AGBL4: variants seen among roughly 807,000 people sequenced by gnomAD.
AGBL4 encodes the protein AGBL carboxypeptidase 4.
AGBL4 carries 58 observed loss-of-function variants against 66.4 expected under a neutral mutation model. That is an observed-to-expected ratio of 0.87 (90% confidence interval 0.71 to 1.09). The LOEUF (loss-of-function observed/expected upper bound fraction) is 1.09. AGBL4 is among the 50% of genes least tolerant of loss of function. AGBL4 has a pLI of 0.00. For missense variants in AGBL4, 579 were observed against 631.0 expected (o/e 0.92, Z 0.88); for synonymous variants, 234 against 222.9 (o/e 1.05, Z -0.44).
chr1:49,488,700 A>G (rs1647122289), intron 3 of AGBL4, among the ~76,000 whole-genome samples: 1 of 151,424 alleles, frequency 6.6e-6, no homozygotes, highest in Non-Finnish European at 1.5e-5. Flanking sequence ...CCCTCCCACT[A>G]TCCTTCTTTT....
chr1:48,997,731 T>C (rs1372343611), intron 5 of AGBL4, among the ~76,000 whole-genome samples: 1 of 152,186 alleles, frequency 6.6e-6, no homozygotes, highest in Non-Finnish European at 1.5e-5. Context: ...GAGGATGAAA[T>C]GCCTACTTCA....
At chr1:49,949,293 A>T (rs1655855580) in intron 1 of AGBL4, among the ~76,000 whole-genome samples, 1 of 151,966 alleles carries the variant, frequency 6.6e-6, no homozygotes, top group East Asian at 1.9e-4. Flanking sequence ...ACACCCTTCT[A>T]GACATTGGCT....
At chr1:48,674,823 C>T (rs1298246501) in intron 6 of AGBL4, among the ~76,000 whole-genome samples, 1 of 152,110 alleles carries the variant, frequency 6.6e-6, no homozygotes, top group Non-Finnish European at 1.5e-5. Context: ...CCCAGTCACT[C>T]CCTCCCCCAG....
At chr1:49,973,695 T>C (rs1472089056) in intron 1 of AGBL4, among the ~76,000 whole-genome samples, 1 of 148,598 alleles carries the variant, frequency 6.7e-6, no homozygotes, top group Non-Finnish European at 1.5e-5. Context: ...AGAAATGATA[T>C]TGTTATATAT....
At chr1:49,789,386 G>A (rs1460016261) in intron 2 of AGBL4, among the ~76,000 whole-genome samples, 1 of 152,162 alleles carries the variant, frequency 6.6e-6, no homozygotes, top group Non-Finnish European at 1.5e-5. Flanking sequence ...AAGAGAGGAA[G>A]TCAAATTGTC....
chr1:49,244,050 G>C (rs576319535), intron 4 of AGBL4, among the ~76,000 whole-genome samples: 1 of 151,680 alleles, frequency 6.6e-6, no homozygotes. Flanking sequence ...TAGCAGAGAA[G>C]ACACAACATA....
intron 6 of AGBL4, among the ~76,000 whole-genome samples, chr1:48,711,564 T>C (rs553473048): frequency 7.9e-5 from 12 of 152,182 alleles, no homozygotes; most frequent in South Asian, 2.1e-4. Context: ...AGCACACGGA[T>C]GGGCTTATCC....
chr1:49,219,213 C>T (rs1047650229), intron 4 of AGBL4, among the ~76,000 whole-genome samples: 1 of 152,274 alleles, frequency 6.6e-6, no homozygotes, highest in East Asian at 1.9e-4. Flanking sequence ...CATGGGACAA[C>T]ACATTCTTCT....
intron 1 of AGBL4, among the ~76,000 whole-genome samples, chr1:49,904,798 C>T (rs901778218): frequency 2.0e-5 from 3 of 152,152 alleles, no homozygotes; most frequent in Non-Finnish European, 2.9e-5. Flanking sequence ...AAGTGAGCTG[C>T]TAGAGGCTAT....
chr1:48,703,534 A>G (rs1402659588), intron 6 of AGBL4, among the ~76,000 whole-genome samples: 1 of 152,208 alleles, frequency 6.6e-6, no homozygotes. Context: ...TGACAAATAC[A>G]TAATAGGGAA....
chr1:48,832,338 A>G (rs569867869), intron 6 of AGBL4, among the ~76,000 whole-genome samples: 2 of 152,322 alleles, frequency 1.3e-5, no homozygotes, highest in East Asian at 3.9e-4. Context: ...GAGTTGATGG[A>G]CCTGCCGTGT....
At chr1:49,884,439 G>C (rs1264798386) in intron 1 of AGBL4, among the ~76,000 whole-genome samples, 1 of 151,660 alleles carries the variant, frequency 6.6e-6, no homozygotes, top group Non-Finnish European at 1.5e-5. Flanking sequence ...TTAGTGAAAA[G>C]AATAAAAGAT....
At chr1:48,749,837 A>G (rs1651385259) in intron 6 of AGBL4, among the ~76,000 whole-genome samples, 1 of 152,186 alleles carries the variant, frequency 6.6e-6, no homozygotes, top group Admixed American at 6.5e-5. Context: ...TATGTGCAGA[A>G]CGCCCTGTCA....
At chr1:49,748,581 G>A (rs1051579732) in intron 2 of AGBL4, among the ~76,000 whole-genome samples, 1 of 152,090 alleles carries the variant, frequency 6.6e-6, no homozygotes, top group African/African-American at 2.4e-5. Flanking sequence ...TTGAGGAATC[G>A]CCACACAGTC....
intron 4 of AGBL4, among the ~76,000 whole-genome samples, chr1:49,121,467 C>T (rs944850108): frequency 3.5e-4 from 53 of 152,272 alleles, no homozygotes; most frequent in Admixed American, 2.2e-3. Context: ...GGTCCCTCAG[C>T]GGCAGGTCTG....
intron 6 of AGBL4, among the ~76,000 whole-genome samples, chr1:48,784,771 A>G (rs1645372563): frequency 6.6e-6 from 1 of 152,236 alleles, no homozygotes; most frequent in South Asian, 2.1e-4. Flanking sequence ...AATGGAAATC[A>G]TTGGTCAAAC....
At chr1:49,339,921 G>C (rs1645504932) in intron 3 of AGBL4, among the ~76,000 whole-genome samples, 1 of 152,080 alleles carries the variant, frequency 6.6e-6, no homozygotes, top group Non-Finnish European at 1.5e-5. Flanking sequence ...GACTGTGGTA[G>C]GTATTGGTTG....
chr1:49,459,210 T>C (rs1225214588), intron 3 of AGBL4, among the ~76,000 whole-genome samples: 1 of 151,752 alleles, frequency 6.6e-6, no homozygotes, highest in Non-Finnish European at 1.5e-5. Context: ...CTGATAGAAT[T>C]CAGCTGTGAA....
intron 4 of AGBL4, among the ~76,000 whole-genome samples, chr1:49,140,951 G>C (rs564685063): frequency 6.6e-6 from 1 of 152,080 alleles, no homozygotes; most frequent in African/African-American, 2.4e-5. Context: ...ACTCCTTCTT[G>C]GGGCTTTTAA....
Sources: gnomAD v4.1 joint callset for allele counts (sites outside exome capture counted in the v4.1 genomes callset) on GRCh38, gnomAD v4.1.1 for gene constraint, MANE v1.5 for transcripts, NCBI Gene and HGNC (gene_info 2026-07-23, HGNC 2026-07-21) for gene names.